TMPO: variants seen among roughly 807,000 people sequenced by gnomAD.
The protein encoded by TMPO is LEM domain containing 4.
Under a neutral mutation model 45.4 loss-of-function variants are expected in TMPO, and 22 were observed. That is an observed-to-expected ratio of 0.48 (90% CI 0.35 to 0.69). The LOEUF (loss-of-function observed/expected upper bound fraction) is 0.69, where lower values mean the gene tolerates loss of function less well. Among genes scored for constraint, TMPO ranks in the 30% least tolerant of loss-of-function variants. TMPO has a pLI of 0.01. For missense variants in TMPO, 512 were observed against 548.8 expected, an observed-to-expected ratio of 0.93 and a Z score of 0.67; for synonymous variants, 241 against 204.1, an observed-to-expected ratio of 1.18 and a Z score of -1.54.
In TMPO at chr12:98,530,167, GTC is replaced by G. The variant is rs576816438; in HGVS notation, c.407-1509_407-1508del. Among the ~76,000 whole-genome samples, 522 of 151,492 alleles carry G rather than the reference GTC, an allele frequency of 3.4e-3. 3 individuals carry two copies. The highest frequency in any genetic ancestry group is 0.011 in the African/African-American group (453 of 41,300). ...AGCCTGGACAACATAGTGAAACCTT[GTC>G]TCTATTTAAAAAAAAAAAAGTAGCC... is the stretch of plus-strand genomic sequence containing the variant. On this transcript the variant is annotated intron_variant, in intron 2 of 8. Coordinates refer to ENST00000556029, the MANE Select transcript of TMPO (RefSeq NM_001032283.3).
rs760450508 is a variant in TMPO, at chr12:98,544,415, GTT to G, written c.784-23_784-22del. ...GTTTTAGTATTATTTTATATTTATTGTTTTTGTTTTGTTTTCAAACTAACAGG... is the reference window on the plus strand; with the variant it reads ...GTTTTAGTATTATTTTATATTTATTGTTTGTTTTGTTTTCAAACTAACAGG... On this transcript the variant is annotated intron_variant, in intron 5 of 8. Transcript: ENST00000556029. 6 of 1,612,340 alleles carry G rather than the reference GTT, an allele frequency of 3.7e-6. No individual in the cohort carries two copies. The East Asian group carries it at 1.3e-4, about 36-fold the overall frequency.
intron 8 of TMPO, among the ~76,000 whole-genome samples, chr12:98,546,959 A>G (rs1041679158): frequency 1.3e-5 from 2 of 152,202 alleles, no homozygotes; most frequent in Non-Finnish European, 2.9e-5. Flanking sequence ...CACAGCCAAA[A>G]CTGTTTTGTT....
chr12:98,516,071 C>A lies in TMPO; in HGVS notation c.204C>A (p.Asp68Glu), dbSNP rs762501330. ...NSKGPPDFSS[D>E]EEREPTPVLG... ...AGGGGCCCCCGGACTTCTCCAGTGA[C>A]GAAGAGCGCGAGCCCACCCCGGTCC... The change falls in exon 1 of 9, where the codon GAC (aspartate) becomes GAA (glutamate). Residue 68 changes from aspartate (D) to glutamate (E), a missense_variant. Around this residue, in one of 3 missense-constraint regions of TMPO, gnomAD observed 299 missense variants for 296.7 expected, o/e 1.01. Coordinates refer to ENST00000556029, the MANE Select transcript of TMPO (RefSeq NM_001032283.3). 1.2e-6 allele frequency: 2 copies of A among 1,605,106 alleles called. No individual in the cohort carries two copies. Among genetic ancestry groups the A allele is most frequent in the Non-Finnish European group, 1.7e-6 (2 of 1,177,960 alleles).
intron 3 of TMPO, chr12:98,532,757 G>A: frequency 2.5e-6 from 4 of 1,612,174 alleles, no homozygotes; most frequent in Non-Finnish European, 3.4e-6. Context: ...TTAGCAAAGA[G>A]GCAAAGAATA....
intron 4 of TMPO, among the ~76,000 whole-genome samples, chr12:98,538,553 G>T (rs376992553): frequency 1.3e-5 from 2 of 151,970 alleles, no homozygotes; most frequent in Non-Finnish European, 2.9e-5. Flanking sequence ...GGGTTTCACC[G>T]TGTTGGCCAG....
In TMPO at chr12:98,549,940, G is replaced by A. The variant is rs1019957591; in HGVS notation, c.*2082G>A. On this transcript the variant is annotated 3_prime_UTR_variant, in exon 9 of 9. Transcript: ENST00000556029. Reference sequence around the variant, plus strand: ...TGAGTAAAATGTTTCTTTCAGATGAGCCATAGAGGGGGCACCTTTTACTCA... The same window carrying A: ...TGAGTAAAATGTTTCTTTCAGATGAACCATAGAGGGGGCACCTTTTACTCA... 6.6e-6 allele frequency: 1 copy of A among 152,064 alleles called. No homozygotes were observed. The highest frequency in any genetic ancestry group is 2.4e-5 in the African/African-American group (1 of 41,498). 9.4% of individuals were successfully genotyped at this position (152,064 alleles called of 1,614,324 possible).
rs377223098 is a variant in TMPO at position 98,517,506 on chromosome 12, C to T, written c.279+1360C>T. 1.2e-4 allele frequency among the ~76,000 whole-genome samples: 19 copies of T among 152,292 alleles called. 3 individuals carry two copies. Among genetic ancestry groups the T allele is most frequent in the Admixed American group, 2.0e-4 (3 of 15,294 alleles). Reference sequence around the variant, plus strand: ...TCACTAGTTTAAACCGAAATTATTCCTTCCTTCAAATTTTACTTTAGTTTT... The same window carrying T: ...TCACTAGTTTAAACCGAAATTATTCTTTCCTTCAAATTTTACTTTAGTTTT... On this transcript the variant is annotated intron_variant, in intron 1 of 8. Coordinates refer to ENST00000556029, the MANE Select transcript of TMPO (RefSeq NM_001032283.3).
intron 6 of TMPO, 88 bp from the exon 7 acceptor site, chr12:98,544,860 ATAT>A (rs1878126641): frequency 9.2e-7 from 1 of 1,092,740 alleles, no homozygotes; most frequent in Non-Finnish European, 1.4e-6. Flanking sequence ...AAAATTTCTA[ATAT>A]TACAGAGATA....
At chr12:98,516,693 C>A (rs1259181582) in intron 1 of TMPO, among the ~76,000 whole-genome samples, 1 of 152,200 alleles carries the variant, frequency 6.6e-6, no homozygotes. Flanking sequence ...TTTATGTTTT[C>A]TAGTTTGTTT....
chr12:98,533,880 A>C lies in TMPO; in HGVS notation c.565+2042A>C, dbSNP rs397516842. The stretch of plus-strand genomic sequence containing the variant: ...TTCCAAAAGTAGATGATGAAATCCT[A>C]GGGTTTATTTCTGAAGCCACTCCAC... On this transcript the variant is annotated intron_variant, in intron 3 of 8. Coordinates refer to ENST00000556029, the MANE Select transcript of TMPO (RefSeq NM_001032283.3). 1 of 1,614,184 alleles carries C rather than the reference A, an allele frequency of 6.2e-7. No individual in the cohort carries two copies. The highest frequency in any genetic ancestry group is 1.7e-5 in the Admixed American group (1 of 60,012).
At chr12:98,537,895 G>A (rs1877670911) in intron 4 of TMPO, among the ~76,000 whole-genome samples, 1 of 152,142 alleles carries the variant, frequency 6.6e-6, no homozygotes, top group Non-Finnish European at 1.5e-5. Flanking sequence ...TTCTTTAAAA[G>A]GCAATGGAAG....
intron 1 of TMPO, among the ~76,000 whole-genome samples, chr12:98,522,549 G>T (rs754698542): frequency 6.6e-6 from 1 of 152,140 alleles, no homozygotes; most frequent in South Asian, 2.1e-4. Context: ...TGAAATAGAG[G>T]AATAACCTAA....
intron 4 of TMPO, among the ~76,000 whole-genome samples, chr12:98,543,207 A>G (rs546050421): frequency 5.9e-5 from 9 of 152,364 alleles, no homozygotes; most frequent in Admixed American, 3.9e-4. Context: ...TAAAACCATC[A>G]GTAATCTAGG....
chr12:98,531,558 TAAGAAC>T, intron 2 of TMPO, 116 bp from the exon 3 acceptor site: 1 of 1,077,254 alleles, frequency 9.3e-7, no homozygotes, highest in Admixed American at 2.2e-5. Context: ...TTTTTTTTTT[TAAGAAC>T]TTGAGTTTAG....
intron 4 of TMPO, among the ~76,000 whole-genome samples, chr12:98,539,311 T>G (rs973004880): frequency 4.6e-5 from 7 of 151,970 alleles, no homozygotes; most frequent in African/African-American, 1.7e-4. Context: ...TAGGTTTAGA[T>G]GACAGGCAGA....
At chr12:98,540,297 G>A (rs925944849) in intron 4 of TMPO, among the ~76,000 whole-genome samples, 3 of 152,182 alleles carry the variant, frequency 2.0e-5, no homozygotes, top group Admixed American at 6.5e-5. Flanking sequence ...TGTGCTATCC[G>A]TTACAGTAGC....
chr12:98,538,999 G>A (rs995625905), intron 4 of TMPO, among the ~76,000 whole-genome samples: 8 of 151,910 alleles, frequency 5.3e-5, no homozygotes, highest in African/African-American at 1.5e-4. Flanking sequence ...TCCGGAGTTC[G>A]AGACGAGCCT....
chr12:98,547,499 A>G, intron 8 of TMPO, 74 bp from the exon 9 acceptor site: 1 of 1,573,980 alleles, frequency 6.4e-7, no homozygotes, highest in Non-Finnish European at 8.7e-7. Flanking sequence ...AGTGGCAATG[A>G]CATTTTATGT....
chr12:98,544,046 T>C (rs527990980), intron 4 of TMPO, among the ~76,000 whole-genome samples, 184 bp from the exon 5 acceptor site: 2 of 152,326 alleles, frequency 1.3e-5, no homozygotes, highest in Non-Finnish European at 2.9e-5. Flanking sequence ...ACTTTTTAAG[T>C]GTTTCCTGAT....
Sources: allele counts gnomAD v4.1 joint callset (sites outside exome capture counted in the v4.1 genomes callset), GRCh38; gene constraint gnomAD v4.1.1; regional missense constraint gnomAD v4.1.1; transcripts MANE v1.5; gene names NCBI Gene and HGNC (gene_info 2026-07-23, HGNC 2026-07-21).